Variants in GRIP1 observed in about 807,000 individuals in gnomAD.
GRIP1 encodes the protein glutamate receptor interacting protein 1.
In GRIP1, 45 loss-of-function variants were observed where a neutral mutation model predicts 129.9. The ratio of observed to expected loss-of-function variants is 0.35; its 90% CI spans 0.27 to 0.44. GRIP1 has a LOEUF of 0.44. Ranked by LOEUF, GRIP1 falls within the 20% of genes least tolerant of loss-of-function variation. GRIP1 has a pLI of 1.00. For missense variants in GRIP1, 1,196 were observed against 1,396.8 expected (o/e 0.86, Z 2.29); for synonymous variants, 530 against 520.8 (o/e 1.02, Z -0.24).
At chr12:66,416,284 A>C (rs535279077) in intron 15 of GRIP1, among the ~76,000 whole-genome samples, 1 of 152,274 alleles carries the variant, frequency 6.6e-6, no homozygotes, top group Non-Finnish European at 1.5e-5. Context: ...ATTTTTAGCT[A>C]TAAGTGCCTA....
At chr12:66,603,481 C>A (rs1483226296) in intron 1 of GRIP1, among the ~76,000 whole-genome samples, 3 of 152,328 alleles carry the variant, frequency 2.0e-5, no homozygotes, top group Non-Finnish European at 4.4e-5. Context: ...CAGCCTCCAC[C>A]CCAACCCAGG....
intron 23 of GRIP1, among the ~76,000 whole-genome samples, chr12:66,355,877 A>G (rs150153474): frequency 0.016 from 2,398 of 152,328 alleles, 70 homozygotes; most frequent in African/African-American, 0.055. Context: ...ATCAACCATG[A>G]TGTCCTGTGC....
At chr12:66,838,466 T>C (rs2039656679) in intron 1 of GRIP1, among the ~76,000 whole-genome samples, 1 of 152,166 alleles carries the variant, frequency 6.6e-6, no homozygotes, top group Admixed American at 6.5e-5. Context: ...GTCTCTTGCC[T>C]AGAGTAAACA....
chr12:66,759,590 C>T (rs2037406429), intron 1 of GRIP1, among the ~76,000 whole-genome samples: 1 of 152,192 alleles, frequency 6.6e-6, no homozygotes, highest in Non-Finnish European at 1.5e-5. Context: ...AACTATTATG[C>T]TCTGCTTCCC....
chr12:66,693,736 C>A (rs561959365), intron 1 of GRIP1, among the ~76,000 whole-genome samples: 55 of 152,242 alleles, frequency 3.6e-4, no homozygotes, highest in African/African-American at 1.3e-3. Flanking sequence ...TGGGTCTATT[C>A]ATGGACAAGA....
intron 1 of GRIP1, among the ~76,000 whole-genome samples, chr12:66,904,620 C>A (rs1175911855): frequency 6.6e-6 from 1 of 152,156 alleles, no homozygotes; most frequent in Non-Finnish European, 1.5e-5. Flanking sequence ...GGGCTGGGAG[C>A]AGTGGCTCAC....
chr12:66,991,014 C>T (rs2042386754), intron 1 of GRIP1, among the ~76,000 whole-genome samples: 1 of 150,964 alleles, frequency 6.6e-6, no homozygotes, highest in South Asian at 2.1e-4. Context: ...GACAAACTAT[C>T]TGTAATCCCA....
In GRIP1 at chr12:66,371,862, C is replaced by G; in HGVS notation, c.2844G>C (p.Leu948=). Residue 948 remains leucine (L), a synonymous_variant, in exon 23 of 25, where the codon CTG becomes CTC. Transcript: ENST00000359742. ...NHEAPTPRSQ[L]GRQASFQERS... is the part of the protein sequence containing the mutation. ...GCTCCTGGAAGCTGGCCTGTCGCCC[C>G]AGCTGACTGCGAGGTGTTGGAGCCT... 3 of 1,613,760 alleles carry G rather than the reference C, an allele frequency of 1.9e-6. No individual in the cohort carries two copies. Among genetic ancestry groups the G allele is most frequent in the Non-Finnish European group, 2.5e-6 (3 of 1,180,014 alleles).
At chr12:66,500,701 T>A (rs528517418) in intron 7 of GRIP1, among the ~76,000 whole-genome samples, 1 of 152,262 alleles carries the variant, frequency 6.6e-6, no homozygotes, top group East Asian at 1.9e-4. Flanking sequence ...TGTGAATGAC[T>A]CCATTAGATG....
rs555034429 is a variant in GRIP1 at position 66,733,164 on chromosome 12, A to G, written c.-420+70889T>C. ...CCAGAATCTAATTATTTATATGCTGAATAAATAAGTATTTACTGTGGGAAA... is the reference window on the plus strand; with the variant it reads ...CCAGAATCTAATTATTTATATGCTGGATAAATAAGTATTTACTGTGGGAAA... On this transcript the variant is annotated intron_variant, in intron 1 of 4. Coordinates refer to the GRIP1 transcript ENST00000538373. Among the ~76,000 whole-genome samples the G allele has an allele frequency of 9.2e-4, 140 of 152,308 alleles. 2 individuals are homozygous for G. Among genetic ancestry groups the G allele is most frequent in the African/African-American group, 3.1e-3 (129 of 41,556 alleles).
At position 66,693,794 on chromosome 12, in the gene GRIP1, C is replaced by T. The variant is rs529339775; in HGVS notation, c.-419-63458G>A. On this transcript the variant is annotated intron_variant, in intron 1 of 4. Coordinates refer to the GRIP1 transcript ENST00000538373. Reference sequence around the variant, plus strand: ...TCATTAGATCACTATTGTATCAAGGCGAATCCCATGATTTTAAAAATAGAA... The same window carrying T: ...TCATTAGATCACTATTGTATCAAGGTGAATCCCATGATTTTAAAAATAGAA... Among the ~76,000 whole-genome samples the T allele has an allele frequency of 5.3e-5, 8 of 152,118 alleles. No homozygotes were observed. In the East Asian group the frequency reaches 5.8e-4, roughly 11 times the overall value.
chr12:66,596,752 T>A, intron 2 of GRIP1, 95 bp downstream of exon 2: 2 of 735,212 alleles, frequency 2.7e-6, no homozygotes, highest in East Asian at 2.7e-5. Flanking sequence ...TTTATTATTA[T>A]TATTATTATT....
intron 1 of GRIP1, among the ~76,000 whole-genome samples, chr12:66,833,479 G>A (rs2039554619): frequency 6.6e-6 from 1 of 152,086 alleles, no homozygotes; most frequent in African/African-American, 2.4e-5. Context: ...GAAACCAATG[G>A]CTACTCATGG....
chr12:67,054,474 C>T (rs2043399836), intron 1 of GRIP1, among the ~76,000 whole-genome samples: 1 of 152,022 alleles, frequency 6.6e-6, no homozygotes, highest in South Asian at 2.1e-4. Context: ...AAAAACACTA[C>T]AGCTGGGGGC....
intron 1 of GRIP1, among the ~76,000 whole-genome samples, chr12:66,907,082 A>G (rs932738747): frequency 2.0e-5 from 3 of 152,148 alleles, no homozygotes; most frequent in South Asian, 4.1e-4. Context: ...CTTTGTCATC[A>G]TGTCTCTTTA....
At chr12:66,758,888 CG>C (rs1302006402) in intron 1 of GRIP1, among the ~76,000 whole-genome samples, 2 of 152,120 alleles carry the variant, frequency 1.3e-5, no homozygotes, top group African/African-American at 4.8e-5. Flanking sequence ...TGTGGCTTTT[CG>C]GGTACAGCCT....
At chr12:66,403,886 T>C (rs1215963676) in intron 16 of GRIP1, among the ~76,000 whole-genome samples, 1 of 152,224 alleles carries the variant, frequency 6.6e-6, no homozygotes, top group Non-Finnish European at 1.5e-5. Context: ...AGCCTGGCTT[T>C]GAAACTGGGT....
intron 1 of GRIP1, among the ~76,000 whole-genome samples, chr12:67,019,334 C>T (rs1490820351): frequency 6.6e-6 from 1 of 152,188 alleles, no homozygotes; most frequent in Non-Finnish European, 1.5e-5. Context: ...GATGTAAATA[C>T]GGACGCTTCC....
intron 1 of GRIP1, among the ~76,000 whole-genome samples, chr12:66,770,722 T>G (rs1280442038): frequency 6.6e-6 from 1 of 152,164 alleles, no homozygotes; most frequent in Non-Finnish European, 1.5e-5. Flanking sequence ...CCATTTTTAT[T>G]TATAAATAAA....
Sources: gnomAD v4.1 joint callset for allele counts (sites outside exome capture counted in the v4.1 genomes callset) on GRCh38, gnomAD v4.1.1 for gene constraint, MANE v1.5 for transcripts, NCBI Gene and HGNC (gene_info 2026-07-23, HGNC 2026-07-21) for gene names.